CNTN2: variants seen among roughly 807,000 people sequenced by gnomAD.
CNTN2 encodes contactin-2.
In CNTN2, 53 loss-of-function variants were observed where a neutral mutation model predicts 117.5. The observed-to-expected ratio is 0.45, with a 90% CI of 0.36 to 0.57. The LOEUF is 0.57. Ranked by LOEUF, CNTN2 falls within the 20% of genes least tolerant of loss-of-function variation. The pLI is 0.00. For missense variants in CNTN2, 1,106 were observed against 1,404.3 expected (o/e 0.79, Z 3.39); for synonymous variants, 530 against 561.7 (o/e 0.94, Z 0.80).
At position 205,070,524 on chromosome 1, in the gene CNTN2, C is replaced by T. The variant is rs755198348; in HGVS notation, c.2530C>T (p.Leu844Phe). The T allele has an allele frequency of 1.9e-6, 3 of 1,613,402 alleles. No homozygotes were observed. In the South Asian group the frequency reaches 3.3e-5, roughly 18 times the overall value. Residue 844 changes from leucine (L) to phenylalanine (F), a missense_variant, in exon 19 of 23, where the codon CTC becomes TTC. Leu to Phe is a conservative substitution (Grantham distance 22). Transcript: ENST00000331830. ...EPVQQDMNGI[L>F]LGYEIRYWKA... ...CGTGCAGCAGGACATGAATGGTATC[C>T]TCCTGGGGTATGAGGTGAGCACCAA...
rs766657667 is a variant in CNTN2 at position 205,065,781 on chromosome 1, G to A, written c.1696-8G>A. 3.8e-5 allele frequency: 62 copies of A among 1,613,850 alleles called. No homozygotes were observed. The highest frequency in any genetic ancestry group is 4.7e-5 in the Non-Finnish European group (55 of 1,180,002). ...TGACCTGCTGCCCCTAACTGTCCCC[G>A]TGTGCAGAAGGAGACCATTGGGGAT... On this transcript the variant is annotated splice_region_variant and splice_polypyrimidine_tract_variant and intron_variant, in intron 13 of 22. Transcript: ENST00000331830. The surrounding 1 kb of genome is among the most constrained non-coding windows in gnomAD (Gnocchi z 4.1).
chr1:205,056,273 C>A (rs557499523), intron 2 of CNTN2, among the ~76,000 whole-genome samples: 5 of 152,198 alleles, frequency 3.3e-5, no homozygotes, highest in African/African-American at 1.2e-4. Context: ...TGCCTCCCAG[C>A]GCCTCCTTTG....
Position 205,059,795 on chromosome 1 carries a change from A to T in CNTN2, c.797+113A>T, listed in dbSNP as rs1653879597. Reference sequence around the variant, plus strand: ...TATCTTGGTGTCCCTCACAGGGTCTAGCAAAGTACTGGGCACACAGTGGGT... The same window carrying T: ...TATCTTGGTGTCCCTCACAGGGTCTTGCAAAGTACTGGGCACACAGTGGGT... On this transcript the variant is annotated intron_variant, in intron 7 of 22. Coordinates refer to ENST00000331830, the MANE Select transcript of CNTN2 (RefSeq NM_005076.5). This position sits in a 1 kb window ranked among gnomAD's most constrained non-coding sequence, Gnocchi z 5.6. The T allele has an allele frequency of 4.9e-6, 4 of 819,598 alleles. No individual in the cohort carries two copies. In the South Asian group the frequency reaches 6.0e-5, roughly 12 times the overall value. The allele number at this position is 819,598 out of a possible 1,614,324, so 50.8% of individuals were successfully genotyped here. A position where few individuals can be genotyped will look rare whatever the true frequency, so the allele number is the denominator to read the frequency against.
At position 205,073,592 on chromosome 1, in the gene CNTN2, C is replaced by T; in HGVS notation, c.3014-64C>T. The T allele has an allele frequency of 1.4e-6, 2 of 1,470,354 alleles. No homozygotes were observed. Among genetic ancestry groups the T allele is most frequent in the East Asian group, 4.7e-5 (2 of 42,786 alleles). 91.1% of individuals were successfully genotyped at this position (1,470,354 alleles called of 1,614,324 possible). On this transcript the variant is annotated intron_variant, in intron 22 of 22. Transcript: ENST00000331830. This position sits in a 1 kb window ranked among gnomAD's most constrained non-coding sequence, Gnocchi z 6.3. The stretch of plus-strand genomic sequence containing the variant: ...GAGTCTCCTTAGGAAAGGTCTCAAT[C>T]TTGCCACAAGGGTGGGGCTAGGGTA...
chr1:205,073,514 C>T lies in CNTN2; in HGVS notation c.3014-142C>T, dbSNP rs968394959. 11 of 784,850 alleles carry T rather than the reference C, an allele frequency of 1.4e-5. No homozygotes were observed. The highest frequency in any genetic ancestry group is 2.7e-5 in the East Asian group (1 of 37,360). 48.6% of individuals were successfully genotyped at this position (784,850 alleles called of 1,614,324 possible). On this transcript the variant is annotated intron_variant, in intron 22 of 22. Transcript: ENST00000331830. This position sits in a 1 kb window ranked among gnomAD's most constrained non-coding sequence, Gnocchi z 6.3. ...ACGGCCTACAAAGCACCGTAGGAGTCGGACTGAGAAGACCACCCAGCCGTC... is the reference window on the plus strand; with the variant it reads ...ACGGCCTACAAAGCACCGTAGGAGTTGGACTGAGAAGACCACCCAGCCGTC...
Position 205,058,644 on chromosome 1 carries a change from C to G in CNTN2, c.468C>G (p.Asn156Lys). 6.2e-7 allele frequency: 1 copy of G among 1,613,866 alleles called. No homozygotes were observed. Among genetic ancestry groups the G allele is most frequent in the Non-Finnish European group, 8.5e-7 (1 of 1,179,908 alleles). The stretch of plus-strand genomic sequence containing the variant: ...GCTGGGGGGTGATGTTGCCCTGTAA[C>G]CCACCTGCCCACTACCCAGGTGAGT... ...HEGWGVMLPC[N>K]PPAHYPGLSY... The change falls in exon 5 of 23, where the codon AAC becomes AAG. Residue 156 changes from asparagine to lysine, a missense_variant. Transcript: ENST00000331830. This position sits in a 1 kb window ranked among gnomAD's most constrained non-coding sequence, Gnocchi z 4.3.
At chr1:205,067,608 C>A (rs369968866) in intron 16 of CNTN2, 25 of 187,782 alleles carry the variant, frequency 1.3e-4, no homozygotes, top group African/African-American at 5.8e-4. Flanking sequence ...CAGATGTCTT[C>A]CTGGAAGAGT....
At position 205,073,347 on chromosome 1, in the gene CNTN2, T is replaced by G; in HGVS notation, c.3013+111T>G. On this transcript the variant is annotated intron_variant, in intron 22 of 22. Transcript: ENST00000331830. This position sits in a 1 kb window ranked among gnomAD's most constrained non-coding sequence, Gnocchi z 6.3. ...TCCAATCTCTACCCGCAAAGGAAAG[T>G]GGAAGGCAGGCAGGAACCAAGTGCA... 1 of 1,349,384 alleles carries G rather than the reference T, an allele frequency of 7.4e-7. No homozygotes were observed. Among genetic ancestry groups the G allele is most frequent in the Non-Finnish European group, 1.0e-6 (1 of 981,372 alleles). 83.6% of individuals were successfully genotyped at this position (1,349,384 alleles called of 1,614,324 possible).
intron 14 of CNTN2, 199 bp downstream of exon 14, chr1:205,066,108 G>T (rs1490677739): frequency 1.4e-6 from 1 of 723,108 alleles, no homozygotes; most frequent in East Asian, 2.8e-5. Context: ...CAAAGTCAAA[G>T]TTTAAAAAAT....
At chr1:205,072,723 T>C in intron 21 of CNTN2, 128 bp downstream of exon 21, 1 of 726,532 alleles carries the variant, frequency 1.4e-6, no homozygotes, top group Non-Finnish European at 2.4e-6. Context: ...TTTGTGACTG[T>C]GAGAGGAATG....
chr1:205,065,300 C>A lies in CNTN2; in HGVS notation c.1695+38C>A, dbSNP rs1254719592. The A allele has an allele frequency of 6.2e-7, 1 of 1,608,072 alleles. No homozygotes were observed. The highest frequency in any genetic ancestry group is 1.1e-5 in the South Asian group (1 of 90,628). On this transcript the variant is annotated intron_variant, in intron 13 of 22. Coordinates refer to ENST00000331830, the MANE Select transcript of CNTN2 (RefSeq NM_005076.5). This position sits in a 1 kb window ranked among gnomAD's most constrained non-coding sequence, Gnocchi z 4.1. ...GCCAGAGCCCCATGGCTTCTCCCTC[C>A]TTCTAGAGAGACAGGGGCCCCAAGA...
chr1:205,069,442 T>G (rs746841100), intron 16 of CNTN2, 49 bp from the exon 17 acceptor site: 1 of 1,592,842 alleles, frequency 6.3e-7, no homozygotes. Flanking sequence ...GCTTTCATTT[T>G]TTCCTTGCTC....
In CNTN2 at chr1:205,076,660, TA is replaced by T. The variant is rs1054525589; in HGVS notation, c.*2896del. ...CAACTGTAGGCACCTCTCCAGGGCC[TA>T]GGGAGACAAGTGTCCTCTCTTCTGC... is the stretch of plus-strand genomic sequence containing the variant. On this transcript the variant is annotated 3_prime_UTR_variant, in exon 23 of 23. Transcript: ENST00000331830. 6.6e-6 allele frequency: 1 copy of T among 152,212 alleles called. No individual in the cohort carries two copies. Among genetic ancestry groups the T allele is most frequent in the African/African-American group, 2.4e-5 (1 of 41,434 alleles). The allele number at this position is 152,212 out of a possible 1,614,324, so 9.4% of individuals were successfully genotyped here. A position where few individuals can be genotyped will look rare whatever the true frequency, so the allele number is the denominator to read the frequency against.
chr1:205,061,698 T>C lies in CNTN2; in HGVS notation c.974-167T>C. 1.0e-6 allele frequency: 1 copy of C among 969,884 alleles called. No homozygotes were observed. The highest frequency in any genetic ancestry group is 1.5e-6 in the Non-Finnish European group (1 of 662,536). 60.1% of individuals were successfully genotyped at this position (969,884 alleles called of 1,614,324 possible). On this transcript the variant is annotated intron_variant, in intron 8 of 22. Transcript: ENST00000331830. The surrounding 1 kb of genome is among the most constrained non-coding windows in gnomAD (Gnocchi z 4.8). Reference sequence around the variant, plus strand: ...CACAGCCACAGAGTGCCAGCTTTCTTGTGCCTCCTTCTTCCGGCCCCCTCC... The same window carrying C: ...CACAGCCACAGAGTGCCAGCTTTCTCGTGCCTCCTTCTTCCGGCCCCCTCC...
chr1:205,069,382 C>A, intron 16 of CNTN2, 109 bp from the exon 17 acceptor site: 3 of 1,036,090 alleles, frequency 2.9e-6, no homozygotes, highest in Non-Finnish European at 4.2e-6. Flanking sequence ...AACCCAGGGC[C>A]CAGTTGAAGG....
intron 1 of CNTN2, among the ~76,000 whole-genome samples, chr1:205,047,973 A>G (rs2096444633): frequency 6.6e-6 from 1 of 152,190 alleles, no homozygotes; most frequent in African/African-American, 2.4e-5. Context: ...TTAGGGTTAT[A>G]CTAGCTAGAC....
In CNTN2 at chr1:205,075,404, A is replaced by G. The variant is rs1654809027; in HGVS notation, c.*1639A>G. ...AGGCCAAAGCAAGAGCAGATTCCCTAGGCAAGAGCAGCAGCACAACTAGGA... is the reference window on the plus strand; with the variant it reads ...AGGCCAAAGCAAGAGCAGATTCCCTGGGCAAGAGCAGCAGCACAACTAGGA... On this transcript the variant is annotated 3_prime_UTR_variant, in exon 23 of 23. Transcript: ENST00000331830. The G allele has an allele frequency of 6.5e-6, 1 of 152,754 alleles. No individual in the cohort carries two copies. Among genetic ancestry groups the G allele is most frequent in the African/African-American group, 2.4e-5 (1 of 41,420 alleles). 9.5% of individuals were successfully genotyped at this position (152,754 alleles called of 1,614,324 possible). A position where few individuals can be genotyped will look rare whatever the true frequency, so the allele number is the denominator to read the frequency against.
rs1654757759 is a variant in CNTN2 at position 205,074,393 on chromosome 1, AG to A, written c.*634del. 3 of 400,020 alleles carry A rather than the reference AG, an allele frequency of 7.5e-6. No individual in the cohort carries two copies. The highest frequency in any genetic ancestry group is 7.1e-5 in the East Asian group (2 of 28,070). The allele number at this position is 400,020 out of a possible 1,614,324, so 24.8% of individuals were successfully genotyped here. A position where few individuals can be genotyped will look rare whatever the true frequency, so the allele number is the denominator to read the frequency against. On this transcript the variant is annotated 3_prime_UTR_variant, in exon 23 of 23. Transcript: ENST00000331830. Reference sequence around the variant, plus strand: ...GGGAGCCTGAGCCCCTTCAGCTTTGAGGGGGGTGATACTCCAGGCTGTTTGG... The same window carrying A: ...GGGAGCCTGAGCCCCTTCAGCTTTGAGGGGGTGATACTCCAGGCTGTTTGG...
At chr1:205,052,688 AGCC>A (rs2096454912) in intron 1 of CNTN2, among the ~76,000 whole-genome samples, 3 of 152,202 alleles carry the variant, frequency 2.0e-5, no homozygotes, top group Admixed American at 2.0e-4. Context: ...GGGGAAAGTC[AGCC>A]CTGAGCCCAC....
Sources: allele counts gnomAD v4.1 joint callset (sites outside exome capture counted in the v4.1 genomes callset), GRCh38; gene constraint gnomAD v4.1.1; non-coding constraint Gnocchi (gnomAD v3.1); transcripts MANE v1.5; gene names NCBI Gene and HGNC (gene_info 2026-07-23, HGNC 2026-07-21).